Variants in RASEF observed in about 807,000 individuals in gnomAD.
RASEF encodes the protein ras and EF-hand domain-containing protein.
RASEF carries 68 observed loss-of-function variants against 90.1 expected under a neutral mutation model. That is an observed-to-expected ratio of 0.75 (90% CI 0.62 to 0.92). RASEF has a LOEUF of 0.92. RASEF is among the 40% of genes least tolerant of loss of function. The probability of loss-of-function intolerance (pLI) is 0.00; values close to 1 mark genes in which losing one functional copy is unlikely to be tolerated. For missense variants in RASEF, 949 were observed against 937.2 expected (o/e 1.01, Z -0.16); for synonymous variants, 331 against 345.2 (o/e 0.96, Z 0.46).
intron 3 of RASEF, among the ~76,000 whole-genome samples, chr9:83,017,375 C>T (rs10867925): frequency 0.49 from 73,699 of 149,380 alleles, 18,499 homozygotes; most frequent in East Asian, 0.73. Context: ...TGGCAGGCGC[C>T]TGTTGTCCCA....
At chr9:83,026,273 CT>C (rs1829546955) in intron 1 of RASEF, among the ~76,000 whole-genome samples, 1 of 152,108 alleles carries the variant, frequency 6.6e-6, no homozygotes, top group Admixed American at 6.6e-5. Context: ...TCATCCACCC[CT>C]GATAAGACAT....
chr9:83,202,225 G>A, the RASEF span, among the ~76,000 whole-genome samples: 577 of 152,224 alleles, frequency 3.8e-3, 2 homozygotes, highest in Non-Finnish European at 6.6e-3. Context: ...GCTTAAGTAT[G>A]TTTAATTAAT....
chr9:83,128,353 G>A, the RASEF span, among the ~76,000 whole-genome samples: 1 of 151,928 alleles, frequency 6.6e-6, no homozygotes, highest in South Asian at 2.1e-4. Flanking sequence ...CCATTTGGTG[G>A]CTTTCCTCTG....
At chr9:83,169,317 G>C in the RASEF span, among the ~76,000 whole-genome samples, 1 of 150,596 alleles carries the variant, frequency 6.6e-6, no homozygotes, top group Non-Finnish European at 1.5e-5. Flanking sequence ...AAACATGACA[G>C]TGCAAATAAT....
the RASEF span, among the ~76,000 whole-genome samples, chr9:83,134,535 G>A: frequency 2.0e-5 from 3 of 151,576 alleles, no homozygotes; most frequent in African/African-American, 7.3e-5. Context: ...ATTACACCAG[G>A]CTTGTTACCC....
chr9:83,012,560 C>A, intron 4 of RASEF, 49 bp from the exon 5 acceptor site: 2 of 1,203,400 alleles, frequency 1.7e-6, no homozygotes, highest in Non-Finnish European at 2.4e-6. Context: ...CTTTGAATTG[C>A]TTTGGTTAAG....
chr9:83,110,834 T>C, the RASEF span, among the ~76,000 whole-genome samples: 1 of 151,984 alleles, frequency 6.6e-6, no homozygotes, highest in Non-Finnish European at 1.5e-5. Context: ...TTAGTTGTGT[T>C]CCAGGAATCA....
the RASEF span, among the ~76,000 whole-genome samples, chr9:83,216,768 G>C: frequency 6.6e-6 from 1 of 152,182 alleles, no homozygotes; most frequent in Non-Finnish European, 1.5e-5. Context: ...AGATACAATG[G>C]GGGTAAAGGC....
chr9:83,087,200 TAA>T, the RASEF span, among the ~76,000 whole-genome samples: 1 of 152,146 alleles, frequency 6.6e-6, no homozygotes, highest in African/African-American at 2.4e-5. Flanking sequence ...ACAAAATTGT[TAA>T]AGTTACCTTG....
At chr9:83,037,744 A>ATTTTT (rs35483330) in intron 1 of RASEF, among the ~76,000 whole-genome samples, 2 of 131,862 alleles carry the variant, frequency 1.5e-5, no homozygotes, top group Non-Finnish European at 1.6e-5. Flanking sequence ...TAAATGTCCT[A>ATTTTT]TTTTTTTTTT....
chr9:83,126,353 C>T, the RASEF span, among the ~76,000 whole-genome samples: 11 of 152,220 alleles, frequency 7.2e-5, no homozygotes, highest in Non-Finnish European at 8.8e-5. Context: ...CAAAAGAGAG[C>T]CCTCATCTGG....
chr9:83,148,579 T>C, the RASEF span, among the ~76,000 whole-genome samples: 24 of 152,156 alleles, frequency 1.6e-4, no homozygotes, highest in Admixed American at 7.9e-4. Context: ...GCCAGGACCT[T>C]GATCTCAGAT....
chr9:83,037,592 T>C (rs971578254), intron 1 of RASEF, among the ~76,000 whole-genome samples: 6 of 152,146 alleles, frequency 3.9e-5, no homozygotes, highest in Non-Finnish European at 4.4e-5. Context: ...GACTGAAATG[T>C]TGTCAAAATT....
chr9:83,140,845 T>G, the RASEF span, among the ~76,000 whole-genome samples: 1 of 152,012 alleles, frequency 6.6e-6, no homozygotes, highest in Non-Finnish European at 1.5e-5. Context: ...ATAACTGAGG[T>G]GCAAGGCTGT....
chr9:83,048,277 AAAG>A, intron 1 of RASEF: 1 of 985,392 alleles, frequency 1.0e-6, no homozygotes, highest in Non-Finnish European at 1.2e-6. Flanking sequence ...CAACCTTGCA[AAAG>A]AAGGCATGAA....
the RASEF span, among the ~76,000 whole-genome samples, chr9:83,206,386 TGAC>T: frequency 6.6e-6 from 1 of 152,220 alleles, no homozygotes; most frequent in African/African-American, 2.4e-5. Flanking sequence ...GTATTTCAGA[TGAC>T]AGGCATAAAA....
the RASEF span, among the ~76,000 whole-genome samples, chr9:83,185,175 T>C: frequency 6.6e-6 from 1 of 152,080 alleles, no homozygotes; most frequent in Non-Finnish European, 1.5e-5. Flanking sequence ...TTATTTTTAA[T>C]GATAAAAATA....
At chr9:83,063,814 T>C (rs2117938258), upstream of RASEF, among the ~76,000 whole-genome samples, 1 of 152,346 alleles carries the variant, frequency 6.6e-6, no homozygotes, top group Non-Finnish European at 1.5e-5. Flanking sequence ...AAACACTTTT[T>C]TCGACAATAC....
chr9:83,120,580 T>A, the RASEF span, among the ~76,000 whole-genome samples: 3 of 152,032 alleles, frequency 2.0e-5, no homozygotes, highest in East Asian at 5.8e-4. Context: ...GAATTGGAGG[T>A]TGTTCATTAT....
Sources: gnomAD v4.1 joint callset for allele counts (sites outside exome capture counted in the v4.1 genomes callset) on GRCh38, gnomAD v4.1.1 for gene constraint, MANE v1.5 for transcripts, NCBI Gene and HGNC (gene_info 2026-07-23, HGNC 2026-07-21) for gene names.